Variants in SLC61A1 observed in about 807,000 individuals in gnomAD.
SLC61A1 encodes solute carrier family 61 member 1.
the SLC61A1 span, chr12:53,252,166 G>T: frequency 4.3e-5 from 62 of 1,432,246 alleles, no homozygotes; most frequent in African/African-American, 7.3e-5. Flanking sequence ...AGGGGCGGGA[G>T]CGCTGCTGGA....
the SLC61A1 span, chr12:53,251,478 G>A: frequency 4.0e-6 from 2 of 500,228 alleles, no homozygotes; most frequent in East Asian, 6.6e-5. Context: ...AGTGGCAGAA[G>A]GTAGGGAATT....
chr12:53,253,097 A>G, the SLC61A1 span: 8 of 1,614,088 alleles, frequency 5.0e-6, no homozygotes, highest in African/African-American at 2.7e-5. Flanking sequence ...CCTTGCCTCT[A>G]CAGTCCTCTT....
the SLC61A1 span, chr12:53,252,907 C>G: frequency 1.2e-6 from 2 of 1,614,082 alleles, no homozygotes; most frequent in Middle Eastern, 1.6e-4. Context: ...TGTCAAGATG[C>G]CGGGCTAAAC....
the SLC61A1 span, chr12:53,254,095 G>A: frequency 9.9e-6 from 16 of 1,614,180 alleles, no homozygotes; most frequent in South Asian, 1.8e-4. Flanking sequence ...TGATGGCTCT[G>A]CTGGCAGTGG....
the SLC61A1 span, chr12:53,252,671 C>A: frequency 8.2e-7 from 1 of 1,215,854 alleles, no homozygotes; most frequent in Non-Finnish European, 1.1e-6. Context: ...CCACTCCTCC[C>A]ACCCACCCAA....
At chr12:53,254,123 G>T in the SLC61A1 span, 2 of 1,614,186 alleles carry the variant, frequency 1.2e-6, no homozygotes, top group Non-Finnish European at 1.7e-6. Flanking sequence ...CTTCACCGTG[G>T]TAAGGCATGA....
chr12:53,253,111 C>G, the SLC61A1 span: 1 of 1,614,250 alleles, frequency 6.2e-7, no homozygotes, highest in Non-Finnish European at 8.5e-7. Flanking sequence ...TCCTCTTTGG[C>G]CTAGTGGCCT....
At chr12:53,251,838 G>A in the SLC61A1 span, 4 of 1,537,324 alleles carry the variant, frequency 2.6e-6, no homozygotes, top group Admixed American at 2.0e-5. Flanking sequence ...CTACCGGACT[G>A]CGGGCATCTT....
At chr12:53,252,259 G>A in the SLC61A1 span, 2 of 1,400,994 alleles carry the variant, frequency 1.4e-6, no homozygotes, top group Non-Finnish European at 1.8e-6. Flanking sequence ...CCCGCAGACC[G>A]GGGCAGCAGG....
chr12:53,253,362 T>G, the SLC61A1 span: 1 of 1,614,262 alleles, frequency 6.2e-7, no homozygotes, highest in Non-Finnish European at 8.5e-7. Flanking sequence ...CGAGCTGCCT[T>G]CTGGAACCAT....
chr12:53,252,005 C>A, the SLC61A1 span: 1 of 1,535,326 alleles, frequency 6.5e-7, no homozygotes, highest in East Asian at 2.4e-5. Flanking sequence ...CCTTCCCGAC[C>A]CACCCCAGGC....
At chr12:53,251,863 C>A in the SLC61A1 span, 1 of 1,537,268 alleles carries the variant, frequency 6.5e-7, no homozygotes, top group Non-Finnish European at 8.7e-7. Flanking sequence ...GAGCACTGCA[C>A]GGAAGAAAAG....
chr12:53,252,255 G>T, the SLC61A1 span: 1 of 1,403,474 alleles, frequency 7.1e-7, no homozygotes, highest in East Asian at 2.8e-5. Flanking sequence ...CGTCCCCGCA[G>T]ACCGGGGCAG....
the SLC61A1 span, chr12:53,251,753 A>C: frequency 1.3e-6 from 2 of 1,536,840 alleles, no homozygotes; most frequent in Admixed American, 3.9e-5. Context: ...CTGCAGTGGG[A>C]GAGGAGGCAA....
chr12:53,252,452 G>A, the SLC61A1 span: 4 of 1,291,286 alleles, frequency 3.1e-6, no homozygotes, highest in African/African-American at 1.5e-5. Flanking sequence ...AGACACTGAG[G>A]GCAAAAAGAG....
At chr12:53,252,476 G>A in the SLC61A1 span, 2 of 1,305,878 alleles carry the variant, frequency 1.5e-6, no homozygotes, top group South Asian at 1.9e-5. Context: ...CCGCAGCGAG[G>A]ACGGGAGGTA....
the SLC61A1 span, chr12:53,253,043 T>A: frequency 6.2e-7 from 1 of 1,614,226 alleles, no homozygotes; most frequent in Middle Eastern, 1.6e-4. Flanking sequence ...CTACCAGCAT[T>A]ACTACTTCCT....
chr12:53,254,026 T>C, the SLC61A1 span: 1 of 1,614,226 alleles, frequency 6.2e-7, no homozygotes, highest in Non-Finnish European at 8.5e-7. Flanking sequence ...TTGTCCTCCA[T>C]GACAGTGATC....
At chr12:53,253,640 C>A in the SLC61A1 span, 1 of 1,614,082 alleles carries the variant, frequency 6.2e-7, no homozygotes, top group Non-Finnish European at 8.5e-7. Context: ...CTTTGTCTTC[C>A]TCTGGACACC....
Sources: allele counts gnomAD v4.1 joint callset, GRCh38; gene constraint gnomAD v4.1.1; transcripts MANE v1.5; gene names NCBI Gene and HGNC (gene_info 2026-07-23, HGNC 2026-07-21).